Variants in ADCK1 observed in about 807,000 individuals in gnomAD.
The protein encoded by ADCK1 is aarF domain-containing protein kinase 1.
In ADCK1, 41 loss-of-function variants were observed where a neutral mutation model predicts 52.3. The observed-to-expected ratio is 0.78, with a 90% CI of 0.61 to 1.02. ADCK1 has a LOEUF of 1.02. Ranked by LOEUF, ADCK1 falls within the 50% of genes least tolerant of loss-of-function variation. The pLI is 0.00. For missense variants in ADCK1, 658 were observed against 679.5 expected, an observed-to-expected ratio of 0.97 and a Z score of 0.35; for synonymous variants, 250 against 274.6, an observed-to-expected ratio of 0.91 and a Z score of 0.89.
intron 3 of ADCK1, among the ~76,000 whole-genome samples, chr14:77,843,066 T>G (rs1258013124): frequency 1.3e-5 from 2 of 151,932 alleles, no homozygotes; most frequent in Non-Finnish European, 2.9e-5. Flanking sequence ...ATTAAAAAAT[T>G]TTTTTTGTAG....
chr14:77,880,007 T>C (rs1315723674), intron 4 of ADCK1, among the ~76,000 whole-genome samples: 2 of 152,134 alleles, frequency 1.3e-5, no homozygotes, highest in Admixed American at 6.5e-5. Context: ...TGAGGTACAG[T>C]GGATTTGAGC....
At chr14:77,858,928 G>T (rs2082481436) in intron 3 of ADCK1, 148 bp from the exon 4 acceptor site, 6 of 629,150 alleles carry the variant, frequency 9.5e-6, no homozygotes, top group Non-Finnish European at 1.6e-5. Flanking sequence ...AAGGGAAAAG[G>T]TGTGTGTGTG....
At chr14:77,928,604 G>C (rs950170589) in intron 9 of ADCK1, among the ~76,000 whole-genome samples, 1 of 151,992 alleles carries the variant, frequency 6.6e-6, no homozygotes, top group African/African-American at 2.4e-5. Flanking sequence ...TGGGATTACA[G>C]GCATGTGCCA....
chr14:77,819,245 C>A, intron 2 of ADCK1, 132 bp downstream of exon 2: 1 of 1,284,108 alleles, frequency 7.8e-7, no homozygotes. Flanking sequence ...GCAAAAGCTA[C>A]ATCTGCACAG....
intron 3 of ADCK1, among the ~76,000 whole-genome samples, chr14:77,847,975 C>G (rs2082205852): frequency 2.0e-5 from 3 of 152,202 alleles, no homozygotes; most frequent in Admixed American, 1.3e-4. Context: ...AGCTGGGGAC[C>G]AGGGTGGGTG....
intron 4 of ADCK1, among the ~76,000 whole-genome samples, chr14:77,864,573 G>A (rs2082622334): frequency 6.6e-6 from 1 of 152,122 alleles, no homozygotes; most frequent in Non-Finnish European, 1.5e-5. Context: ...GCCAGAGCTG[G>A]GCTGGATTTC....
chr14:77,883,223 A>G (rs987633043), intron 4 of ADCK1, among the ~76,000 whole-genome samples: 6 of 151,972 alleles, frequency 3.9e-5, no homozygotes, highest in Admixed American at 1.3e-4. Context: ...GAAAAAAAGA[A>G]ATGGGGAAAG....
Position 77,934,906 on chromosome 14 carries a change from G to A in ADCK1, c.*1515G>A, listed in dbSNP as rs945794326. 1.3e-5 allele frequency: 2 copies of A among 152,226 alleles called. No homozygotes were observed. Among genetic ancestry groups the A allele is most frequent in the Admixed American group, 6.5e-5 (1 of 15,286 alleles). 9.4% of individuals were successfully genotyped at this position (152,226 alleles called of 1,614,324 possible). A position where few individuals can be genotyped will look rare whatever the true frequency, so the allele number is the denominator to read the frequency against. On this transcript the variant is annotated 3_prime_UTR_variant, in exon 11 of 11. Coordinates refer to ENST00000238561, the MANE Select transcript of ADCK1 (RefSeq NM_020421.4). ...GTTGGATGCACCCAGGGACCTGAGA[G>A]TATAATTTGCAATATCTGATTATTA...
At chr14:77,802,224 G>A (rs112552980) in intron 1 of ADCK1, among the ~76,000 whole-genome samples, 3 of 151,778 alleles carry the variant, frequency 2.0e-5, no homozygotes, top group Admixed American at 6.6e-5. Context: ...CATGCACCTC[G>A]GAATCTGGTT....
intron 3 of ADCK1, among the ~76,000 whole-genome samples, chr14:77,854,263 G>A (rs920729976): frequency 8.5e-5 from 13 of 152,098 alleles, no homozygotes; most frequent in Non-Finnish European, 1.9e-4. Flanking sequence ...GAGCCTGTTG[G>A]ATATTGGAGT....
At position 77,841,848 on chromosome 14, in the gene ADCK1, T is replaced by TAAA. The variant is rs59818962; in HGVS notation, c.220-17208_220-17206dup. 8.9e-3 allele frequency among the ~76,000 whole-genome samples: 972 copies of TAAA among 109,618 alleles called. 8 individuals are homozygous for TAAA. Among genetic ancestry groups the TAAA allele is most frequent in the Middle Eastern group, 0.015 (3 of 204 alleles). 71.9% of individuals were successfully genotyped at this position (109,618 alleles called of 152,430 possible). A position where few individuals can be genotyped will look rare whatever the true frequency, so the allele number is the denominator to read the frequency against. On this transcript the variant is annotated intron_variant, in intron 3 of 10. Coordinates refer to ENST00000238561, the MANE Select transcript of ADCK1 (RefSeq NM_020421.4). ...GACAGAGTGACAGAGTGACACTCTT[T>TAAA]AAAAAAAAAAAAAAAAAAAAAATTT...
intron 7 of ADCK1, among the ~76,000 whole-genome samples, chr14:77,912,011 A>G (rs2083802648): frequency 2.0e-5 from 3 of 152,286 alleles, no homozygotes; most frequent in African/African-American, 4.8e-5. Flanking sequence ...TCCCGGAGCT[A>G]ATGCTCTTTT....
intron 4 of ADCK1, among the ~76,000 whole-genome samples, chr14:77,864,121 G>A (rs1479322892): frequency 2.6e-5 from 4 of 152,150 alleles, no homozygotes; most frequent in African/African-American, 9.7e-5. Flanking sequence ...AGGGACAAGC[G>A]TATGCTGCAG....
At chr14:77,808,970 G>A (rs2081283165) in intron 1 of ADCK1, among the ~76,000 whole-genome samples, 1 of 152,176 alleles carries the variant, frequency 6.6e-6, no homozygotes, top group Non-Finnish European at 1.5e-5. Context: ...ATCCATAAAA[G>A]CAGTATATAA....
rs770430499 is a variant in ADCK1, at chr14:77,807,038, CT to C, written c.-12+6885del. Among the ~76,000 whole-genome samples, 118 of 99,232 alleles carry C rather than the reference CT, an allele frequency of 1.2e-3. 1 individual carries two copies. Among genetic ancestry groups the C allele is most frequent in the Admixed American group, 3.0e-3 (26 of 8,676 alleles). The allele number at this position is 99,232 out of a possible 152,430, so 65.1% of individuals were successfully genotyped here. On this transcript the variant is annotated intron_variant, in intron 1 of 10. Transcript: ENST00000238561. The stretch of plus-strand genomic sequence containing the variant: ...CCTAAGATAGCCACTCTCTCTCTCT[CT>C]TTTTTTTTTTTTTTTTGGAGACAGA...
At chr14:77,860,915 G>A (rs1482157272) in intron 4 of ADCK1, among the ~76,000 whole-genome samples, 1 of 152,228 alleles carries the variant, frequency 6.6e-6, no homozygotes, top group African/African-American at 2.4e-5. Flanking sequence ...AACCCTTGGA[G>A]GCTGACTTGT....
chr14:77,830,850 T>G (rs1259091480), intron 3 of ADCK1, among the ~76,000 whole-genome samples: 5 of 152,216 alleles, frequency 3.3e-5, no homozygotes, highest in African/African-American at 1.2e-4. Context: ...TCTGGGCTTC[T>G]GTGGTATCAG....
chr14:77,915,704 G>C (rs966078757), intron 7 of ADCK1, among the ~76,000 whole-genome samples: 1 of 152,204 alleles, frequency 6.6e-6, no homozygotes, highest in Non-Finnish European at 1.5e-5. Context: ...TGTTAGAGGG[G>C]TCCAGGTGTA....
At chr14:77,837,802 C>T (rs1400166745) in intron 3 of ADCK1, among the ~76,000 whole-genome samples, 5 of 152,190 alleles carry the variant, frequency 3.3e-5, no homozygotes, top group Admixed American at 2.0e-4. Context: ...TCCTGAAACC[C>T]TTTGGGCTGT....
Sources: allele counts gnomAD v4.1 joint callset (sites outside exome capture counted in the v4.1 genomes callset), GRCh38; gene constraint gnomAD v4.1.1; transcripts MANE v1.5; gene names NCBI Gene and HGNC (gene_info 2026-07-23, HGNC 2026-07-21).